CD96: variants seen among roughly 807,000 people sequenced by gnomAD.
CD96 encodes T-cell surface protein tactile.
CD96 carries 70 observed loss-of-function variants against 71.3 expected under a neutral mutation model. That is an observed-to-expected ratio of 0.98 (90% confidence interval 0.81 to 1.20). The LOEUF is 1.20. CD96 is among the 50% of genes most tolerant of loss of function. The pLI is 0.00. For synonymous variants in CD96, 248 were observed against 233.0 expected (o/e 1.06, Z -0.59); for missense variants, 742 against 677.5 (o/e 1.10, Z -1.06).
chr3:111,571,220 G>GT (rs60706420), intron 3 of CD96, among the ~76,000 whole-genome samples: 51 of 138,046 alleles, frequency 3.7e-4, no homozygotes, highest in Admixed American at 4.4e-4. Flanking sequence ...TTGGTTTTTG[G>GT]TTTTTTTTTT....
intron 12 of CD96, among the ~76,000 whole-genome samples, chr3:111,639,618 A>T (rs563518317): frequency 6.6e-6 from 1 of 152,308 alleles, no homozygotes; most frequent in African/African-American, 2.4e-5. Context: ...GTCCCTCTCC[A>T]GACTACTATA....
chr3:111,563,330 A>G (rs2107534736), intron 2 of CD96, among the ~76,000 whole-genome samples: 1 of 152,344 alleles, frequency 6.6e-6, no homozygotes, highest in East Asian at 1.9e-4. Context: ...TGTTATGGGA[A>G]AAGGTGAAAG....
chr3:111,626,725 T>C (rs1033283350), intron 10 of CD96, among the ~76,000 whole-genome samples: 2 of 152,166 alleles, frequency 1.3e-5, no homozygotes, highest in African/African-American at 2.4e-5. Context: ...AGTATACTAA[T>C]AAAATATAAT....
chr3:111,553,522 C>A (rs1455919149), intron 2 of CD96, among the ~76,000 whole-genome samples: 1 of 149,932 alleles, frequency 6.7e-6, no homozygotes, highest in African/African-American at 2.4e-5. Flanking sequence ...TATTAAGAGC[C>A]ACTGGTGAGC....
At chr3:111,603,315 A>G (rs2107656403) in intron 7 of CD96, among the ~76,000 whole-genome samples, 1 of 152,134 alleles carries the variant, frequency 6.6e-6, no homozygotes, top group East Asian at 1.9e-4. Context: ...ATGGTGGCGC[A>G]CATCATTAGT....
downstream of CD96, among the ~76,000 whole-genome samples, chr3:111,656,326 A>T (rs1466297406): frequency 6.6e-6 from 1 of 152,216 alleles, no homozygotes; most frequent in Non-Finnish European, 1.5e-5. Flanking sequence ...TTCTCCATTT[A>T]GTTGTCATGA....
intron 4 of CD96, among the ~76,000 whole-genome samples, chr3:111,579,972 GT>G (rs1283732931): frequency 2.0e-5 from 3 of 152,156 alleles, no homozygotes; most frequent in Non-Finnish European, 2.9e-5. Flanking sequence ...CTCTTTAATT[GT>G]AACTGCCAAA....
intron 12 of CD96, among the ~76,000 whole-genome samples, chr3:111,645,267 G>A (rs911008041): frequency 6.6e-6 from 1 of 152,046 alleles, no homozygotes; most frequent in African/African-American, 2.4e-5. Context: ...ACGTAACTCA[G>A]GAATGAAAAA....
rs1022457162 is a variant in CD96, at chr3:111,561,352, G to A, written c.419-6171G>A. Among the ~76,000 whole-genome samples the A allele has an allele frequency of 6.2e-3, 926 of 148,474 alleles. 11 individuals are homozygous for A. Among genetic ancestry groups the A allele is most frequent in the African/African-American group, 0.021 (867 of 40,888 alleles). Reference sequence around the variant, plus strand: ...CATCTTTGTGGTTTTATCTACTTTCGGTCTTTGATGATGGTGATGTACAGA... The same window carrying A: ...CATCTTTGTGGTTTTATCTACTTTCAGTCTTTGATGATGGTGATGTACAGA... On this transcript the variant is annotated intron_variant, in intron 2 of 13. Coordinates refer to ENST00000352690, the MANE Select transcript of CD96 (RefSeq NM_005816.5).
intron 5 of CD96, among the ~76,000 whole-genome samples, chr3:111,597,678 C>T (rs1937320823): frequency 2.0e-5 from 3 of 152,160 alleles, no homozygotes; most frequent in Admixed American, 6.5e-5. Context: ...CAAATAGTGT[C>T]GTACATTATT....
chr3:111,601,419 C>G (rs1937493089), intron 7 of CD96, among the ~76,000 whole-genome samples: 1 of 152,036 alleles, frequency 6.6e-6, no homozygotes, highest in Non-Finnish European at 1.5e-5. Flanking sequence ...GGTTCAAGCA[C>G]TATAGTTAGC....
chr3:111,612,303 T>A (rs1422434079), intron 8 of CD96, among the ~76,000 whole-genome samples: 20 of 152,066 alleles, frequency 1.3e-4, no homozygotes, highest in Admixed American at 1.3e-3. Context: ...AAATGGAGAG[T>A]GCTGCAACAG....
At chr3:111,605,880 G>A (rs1208414965) in intron 7 of CD96, among the ~76,000 whole-genome samples, 1 of 152,146 alleles carries the variant, frequency 6.6e-6, no homozygotes, top group African/African-American at 2.4e-5. Flanking sequence ...CAGCAGATGT[G>A]TAACACTGTA....
At chr3:111,662,563 C>G (rs1389550234) in intron 14 of CD96, among the ~76,000 whole-genome samples, 1 of 152,218 alleles carries the variant, frequency 6.6e-6, no homozygotes, top group South Asian at 2.1e-4. Flanking sequence ...CACCAATTTA[C>G]TTGCTTTGCA....
intron 4 of CD96, among the ~76,000 whole-genome samples, chr3:111,584,410 A>C (rs1408800840): frequency 6.6e-6 from 1 of 152,176 alleles, no homozygotes; most frequent in Non-Finnish European, 1.5e-5. Flanking sequence ...CCAGTTCCAA[A>C]GTTGCATCCA....
chr3:111,655,413 T>C (rs1940205396), downstream of CD96, among the ~76,000 whole-genome samples: 1 of 152,130 alleles, frequency 6.6e-6, no homozygotes, highest in Admixed American at 6.5e-5. Flanking sequence ...TAAACAAATA[T>C]ATACAGTACA....
chr3:111,653,895 A>T (rs1940166637), downstream of CD96, among the ~76,000 whole-genome samples: 1 of 151,912 alleles, frequency 6.6e-6, no homozygotes, highest in Non-Finnish European at 1.5e-5. Flanking sequence ...ACCCTGGGGG[A>T]TGGGAAGCTC....
At chr3:111,633,252 ACAC>A (rs1939161242) in intron 10 of CD96, among the ~76,000 whole-genome samples, 1 of 152,180 alleles carries the variant, frequency 6.6e-6, no homozygotes, top group Non-Finnish European at 1.5e-5. Context: ...GTTAGAACAC[ACAC>A]AACATTTATC....
intron 10 of CD96, 58 bp downstream of exon 10, chr3:111,624,462 A>C: frequency 1.1e-6 from 1 of 945,626 alleles, no homozygotes; most frequent in South Asian, 1.3e-5. Context: ...CATCCGACAG[A>C]TATATTGAAC....
Sources: allele counts gnomAD v4.1 joint callset (sites outside exome capture counted in the v4.1 genomes callset), GRCh38; gene constraint gnomAD v4.1.1; transcripts MANE v1.5; gene names NCBI Gene and HGNC (gene_info 2026-07-23, HGNC 2026-07-21).